The following PRC1 variants were observed in gnomAD, a reference collection of about 807,000 sequenced individuals.
PRC1 encodes the protein anaphase spindle elongation 1 homolog.
PRC1 carries 54 observed loss-of-function variants against 91.2 expected under a neutral mutation model. The ratio of observed to expected loss-of-function variants is 0.59; its 90% CI spans 0.48 to 0.74. PRC1 has a LOEUF of 0.74. Among genes scored for constraint, PRC1 ranks in the 30% least tolerant of loss-of-function variants. PRC1 has a pLI of 0.00. For missense variants in PRC1, 727 were observed against 746.2 expected (o/e 0.97, Z 0.30); for synonymous variants, 275 against 263.6 (o/e 1.04, Z -0.42).
rs549909645 is a variant in PRC1 at position 90,980,622 on chromosome 15, C to T, written c.823-233G>A. On this transcript the variant is annotated intron_variant, in intron 6 of 14. Transcript: ENST00000394249. The stretch of plus-strand genomic sequence containing the variant: ...CAACCCTCCACCTCCCAGGCTCAAG[C>T]GATTCTCCTGTCTCAGCCTCCCAAG... 1.1e-3 allele frequency: 712 copies of T among 673,210 alleles called. 3 individuals carry two copies. The highest frequency in any genetic ancestry group is 1.4e-3 in the Non-Finnish European group (576 of 414,534). 41.7% of individuals were successfully genotyped at this position (673,210 alleles called of 1,614,324 possible).
At position 90,966,477 on chromosome 15, in the gene PRC1, C is replaced by T. The variant is rs1300653057; in HGVS notation, c.*654G>A. The T allele has an allele frequency of 2.5e-6, 1 of 404,216 alleles. No individual in the cohort carries two copies. The highest frequency in any genetic ancestry group is 5.1e-6 in the Non-Finnish European group (1 of 194,992). 25.0% of individuals were successfully genotyped at this position (404,216 alleles called of 1,614,324 possible). On this transcript the variant is annotated 3_prime_UTR_variant, in exon 15 of 15. Transcript: ENST00000394249. Reference sequence around the variant, plus strand: ...AAGGGACAAACGCCGAGAAAGCGTTCCGACAAGCATGTGTGTTCATACATG... The same window carrying T: ...AAGGGACAAACGCCGAGAAAGCGTTTCGACAAGCATGTGTGTTCATACATG...
At chr15:90,983,795 T>G in intron 3 of PRC1, 1 of 431,714 alleles carries the variant, frequency 2.3e-6, no homozygotes, top group African/African-American at 2.0e-5. Flanking sequence ...AGCAGCTTCT[T>G]TTTGATCATC....
chr15:90,969,071 A>G lies in PRC1; in HGVS notation c.1791+8T>C, dbSNP rs372583242. 46 of 1,614,040 alleles carry G rather than the reference A, an allele frequency of 2.8e-5. No homozygotes were observed. In the African/African-American group the frequency reaches 5.5e-4, roughly 19 times the overall value. ...GGAAAAGGGACATGCAGGGATTGCC[A>G]TACAGACCTGAAGCCCAACAGTGGA... On this transcript the variant is annotated splice_region_variant and intron_variant, in intron 14 of 14. Transcript: ENST00000394249.
intron 1 of PRC1, among the ~76,000 whole-genome samples, chr15:90,992,614 C>A (rs2040041742): frequency 6.6e-6 from 1 of 152,052 alleles, no homozygotes. Context: ...TCTTAAGATG[C>A]TTCAGAGCAA....
intron 1 of PRC1, among the ~76,000 whole-genome samples, chr15:90,992,651 C>T (rs983188117): frequency 6.6e-6 from 1 of 152,022 alleles, no homozygotes; most frequent in Non-Finnish European, 1.5e-5. Context: ...TCATGATACA[C>T]TTAAATACTC....
intron 12 of PRC1, 140 bp from the exon 13 acceptor site, chr15:90,969,763 CATATATATATATATATATATA>C (rs1394011993): frequency 1.5e-5 from 2 of 130,832 alleles, no homozygotes; most frequent in Admixed American, 1.8e-4. Context: ...AAAAAAAAAA[CATATATATATATATATATATA>C]TATATATATA....
intron 5 of PRC1, 178 bp from the exon 6 acceptor site, chr15:90,981,211 AAG>A (rs1334835438): frequency 2.4e-6 from 2 of 830,132 alleles, no homozygotes; most frequent in Non-Finnish European, 3.6e-6. Context: ...CTCAGACCCC[AAG>A]AATTAGCATT....
rs780216294 is a variant in PRC1 at position 90,968,262 on chromosome 15, A to G, written c.1791+817T>C. 1.6e-4 allele frequency: 156 copies of G among 985,384 alleles called. 1 individual carries two copies. The highest frequency in any genetic ancestry group is 7.0e-4 in the South Asian group (15 of 21,288). The allele number at this position is 985,384 out of a possible 1,614,324, so 61.0% of individuals were successfully genotyped here. A position where few individuals can be genotyped will look rare whatever the true frequency, so the allele number is the denominator to read the frequency against. ...GTGACACACACCCACTTTTAAAGGT[A>G]GAAGCACCACCAGCCACGTAATTTG... On this transcript the variant is annotated intron_variant, in intron 14 of 14. Transcript: ENST00000394249.
chr15:90,968,529 G>C (rs915175658), intron 14 of PRC1: 3 of 990,592 alleles, frequency 3.0e-6, no homozygotes, highest in Non-Finnish European at 3.6e-6. Context: ...TAGGATACTA[G>C]GAAGTGAAGA....
intron 7 of PRC1, 55 bp from the exon 8 acceptor site, chr15:90,979,349 A>G: frequency 6.5e-7 from 1 of 1,544,948 alleles, no homozygotes. Flanking sequence ...TTAGTATCCA[A>G]TTTTACGAAT....
Position 90,974,226 on chromosome 15 carries a change from CTGTT to C in PRC1, c.1367_1370del (p.Lys456ArgfsTer32), listed in dbSNP as rs768995562. ...TGCCATACAGCATCTCTGTCTCTGT[CTGTT>C]TTTTGTTCTTCAGTTGCTGTGTGAA... On this transcript the variant is annotated frameshift_variant, in exon 11 of 15. Transcript: ENST00000394249. LOFTEE classifies it high-confidence loss of function. This position sits in a 1 kb window ranked among gnomAD's most constrained non-coding sequence, Gnocchi z 4.6. 1 of 1,614,152 alleles carries C rather than the reference CTGTT, an allele frequency of 6.2e-7. No homozygotes were observed. Among genetic ancestry groups the C allele is most frequent in the South Asian group, 1.1e-5 (1 of 91,080 alleles).
Position 90,976,697 on chromosome 15 carries a change from C to T in PRC1, c.1182G>A (p.Lys394=). 1 of 1,613,176 alleles carries T rather than the reference C, an allele frequency of 6.2e-7. No individual in the cohort carries two copies. The highest frequency in any genetic ancestry group is 8.5e-7 in the Non-Finnish European group (1 of 1,179,186). Residue 394 remains lysine, a synonymous_variant, in exon 9 of 15, where the codon AAG becomes AAA. Transcript: ENST00000394249. The part of the protein sequence containing the change: ...NLLKEEKQRA[K]LQKMLPKLEE... The stretch of plus-strand genomic sequence containing the variant: ...TTACCTTGGGCAGCATTTTCTGGAG[C>T]TTGGCTCGTTGTTTTTCTTCTTTTA...
At chr15:90,980,647 G>A in intron 6 of PRC1, 1 of 675,534 alleles carries the variant, frequency 1.5e-6, no homozygotes, top group Non-Finnish European at 2.4e-6. Flanking sequence ...AGCCTCCCAA[G>A]TAGCTGGGAT....
At chr15:90,971,749 G>A (rs1255514024) in intron 11 of PRC1, among the ~76,000 whole-genome samples, 1 of 151,898 alleles carries the variant, frequency 6.6e-6, no homozygotes, top group African/African-American at 2.4e-5. Context: ...CCAGCTACTC[G>A]GGAGGTGGAG....
rs1472664579 is a variant in PRC1 at position 90,974,778 on chromosome 15, C to G, written c.1204-47G>C. On this transcript the variant is annotated intron_variant, in intron 9 of 14. Transcript: ENST00000394249. The surrounding 1 kb of genome is among the most constrained non-coding windows in gnomAD (Gnocchi z 4.6). ...TGTTAATTACTTCAACTCTTTAGTG[C>G]AAAGCCCAAATGAAATGATTTCCCT... 6.2e-7 allele frequency: 1 copy of G among 1,602,766 alleles called. No individual in the cohort carries two copies. Among genetic ancestry groups the G allele is most frequent in the Non-Finnish European group, 8.5e-7 (1 of 1,170,640 alleles).
At chr15:90,970,824 C>T (rs1220538475) in intron 11 of PRC1, among the ~76,000 whole-genome samples, 1 of 152,198 alleles carries the variant, frequency 6.6e-6, no homozygotes, top group Non-Finnish European at 1.5e-5. Context: ...AGCATAGATC[C>T]ATACAAAGAC....
chr15:90,974,849 G>A lies in PRC1; in HGVS notation c.1204-118C>T. ...CAGAGCATCATTAGCCTCATTTCAGGTAGCTGGGCCCACATGGGTACAGGT... is the reference window on the plus strand; with the variant it reads ...CAGAGCATCATTAGCCTCATTTCAGATAGCTGGGCCCACATGGGTACAGGT... On this transcript the variant is annotated intron_variant, in intron 9 of 14. Coordinates refer to ENST00000394249, the MANE Select transcript of PRC1 (RefSeq NM_003981.4). The surrounding 1 kb of genome is among the most constrained non-coding windows in gnomAD (Gnocchi z 4.6). The A allele has an allele frequency of 8.0e-7, 1 of 1,253,602 alleles. No individual in the cohort carries two copies. The highest frequency in any genetic ancestry group is 1.1e-6 in the Non-Finnish European group (1 of 879,582). The allele number at this position is 1,253,602 out of a possible 1,614,324, so 77.7% of individuals were successfully genotyped here. A position where few individuals can be genotyped will look rare whatever the true frequency, so the allele number is the denominator to read the frequency against.
At chr15:90,967,933 C>T in intron 14 of PRC1, 1 of 985,440 alleles carries the variant, frequency 1.0e-6, no homozygotes, top group Non-Finnish European at 1.2e-6. Flanking sequence ...GAACATATAT[C>T]TACCAATCCC....
At chr15:90,976,856 C>T (rs962250199) in intron 8 of PRC1, 85 bp from the exon 9 acceptor site, 12 of 1,160,060 alleles carry the variant, frequency 1.0e-5, no homozygotes, top group South Asian at 2.6e-5. Context: ...TCTCGCCAGG[C>T]GTGGTGACTC....
Sources: allele counts gnomAD v4.1 joint callset (sites outside exome capture counted in the v4.1 genomes callset), GRCh38; gene constraint gnomAD v4.1.1; non-coding constraint Gnocchi (gnomAD v3.1); transcripts MANE v1.5; gene names NCBI Gene and HGNC (gene_info 2026-07-23, HGNC 2026-07-21).